OSBPL8: variants seen among roughly 807,000 people sequenced by gnomAD.
OSBPL8 encodes oxysterol-binding protein-related protein 8.
A neutral mutation model predicts 125.5 loss-of-function variants in OSBPL8; 59 were observed. That is an observed-to-expected ratio of 0.47 (90% CI 0.38 to 0.58). The LOEUF is 0.58. Among genes scored for constraint, OSBPL8 ranks in the 20% least tolerant of loss-of-function variants. The pLI is 0.00. For synonymous variants in OSBPL8, 330 were observed against 338.9 expected, an observed-to-expected ratio of 0.97 and a Z score of 0.29; for missense variants, 758 against 1,047.8, an observed-to-expected ratio of 0.72 and a Z score of 3.82.
chr12:76,420,975 T>A (rs1201997418), intron 4 of OSBPL8, among the ~76,000 whole-genome samples: 1 of 152,054 alleles, frequency 6.6e-6, no homozygotes, highest in Admixed American at 6.5e-5. Context: ...AACAAATCCA[T>A]CCAAGATGGC....
chr12:76,421,829 C>A (rs1165848801), intron 4 of OSBPL8, among the ~76,000 whole-genome samples: 1 of 151,948 alleles, frequency 6.6e-6, no homozygotes, highest in African/African-American at 2.4e-5. Context: ...CAATTTATGT[C>A]TACATCTCAT....
At chr12:76,536,807 T>G (rs911599296) in intron 1 of OSBPL8, among the ~76,000 whole-genome samples, 4 of 121,552 alleles carry the variant, frequency 3.3e-5, no homozygotes, top group African/African-American at 1.4e-4. Flanking sequence ...AATCCATATA[T>G]AGGAGTATCA....
chr12:76,404,114 G>C (rs1421851375), intron 5 of OSBPL8, among the ~76,000 whole-genome samples: 3 of 152,106 alleles, frequency 2.0e-5, no homozygotes, highest in Non-Finnish European at 4.4e-5. Flanking sequence ...ACTCCTTTAA[G>C]AATTGGAGTT....
rs182208037 is a variant in OSBPL8, at chr12:76,393,628, G to A, written c.758-876C>T. Among the ~76,000 whole-genome samples, 434 of 141,128 alleles carry A rather than the reference G, an allele frequency of 3.1e-3. 2 individuals carry two copies. The highest frequency in any genetic ancestry group is 0.011 in the African/African-American group (412 of 38,130). The allele number at this position is 141,128 out of a possible 152,430, so 92.6% of individuals were successfully genotyped here. On this transcript the variant is annotated intron_variant, in intron 9 of 23. Transcript: ENST00000261183. ...CGGGAGACTGAGGCAGGAGAATGGC[G>A]TGAACCCGGGAGACGGAGCTTGCAG...
At chr12:76,516,028 T>A (rs1329831036) in intron 1 of OSBPL8, among the ~76,000 whole-genome samples, 1 of 152,120 alleles carries the variant, frequency 6.6e-6, no homozygotes, top group Non-Finnish European at 1.5e-5. Context: ...CTATAAGAAC[T>A]GAGGTATGCA....
At chr12:76,517,891 T>C (rs1224111710) in intron 1 of OSBPL8, among the ~76,000 whole-genome samples, 1 of 152,144 alleles carries the variant, frequency 6.6e-6, no homozygotes, top group African/African-American at 2.4e-5. Flanking sequence ...CTAGGAGTGA[T>C]TGGCCCCCAT....
chr12:76,525,071 A>G (rs978299608), intron 1 of OSBPL8, among the ~76,000 whole-genome samples: 2 of 152,138 alleles, frequency 1.3e-5, no homozygotes, highest in African/African-American at 4.8e-5. Flanking sequence ...TCTTTAACAA[A>G]CTGCAAAGGG....
chr12:76,505,531 T>TA (rs1414125752), intron 1 of OSBPL8, among the ~76,000 whole-genome samples: 1 of 151,886 alleles, frequency 6.6e-6, no homozygotes, highest in Non-Finnish European at 1.5e-5. Context: ...GATACTAGAA[T>TA]AAAAAATAGG....
intron 14 of OSBPL8, among the ~76,000 whole-genome samples, chr12:76,385,436 AAG>A (rs1430918920): frequency 6.6e-6 from 1 of 152,198 alleles, no homozygotes; most frequent in African/African-American, 2.4e-5. Context: ...ATACAACAAA[AAG>A]AGAGGTATCA....
chr12:76,514,029 A>G (rs1881281566), intron 1 of OSBPL8, among the ~76,000 whole-genome samples: 1 of 151,908 alleles, frequency 6.6e-6, no homozygotes, highest in South Asian at 2.1e-4. Context: ...TGTGTGTTTA[A>G]GTGTGTTTTT....
chr12:76,408,809 A>G (rs544058364), intron 5 of OSBPL8, among the ~76,000 whole-genome samples: 1 of 152,256 alleles, frequency 6.6e-6, no homozygotes, highest in African/African-American at 2.4e-5. Context: ...CCATTAAGGC[A>G]CACAGCTTCA....
At chr12:76,450,795 C>CGAA in intron 4 of OSBPL8, 56 bp downstream of exon 4, 1 of 1,497,976 alleles carries the variant, frequency 6.7e-7, no homozygotes, top group Non-Finnish European at 9.0e-7. Flanking sequence ...CTCCCCTTCT[C>CGAA]CCCTCCAAAA....
intron 5 of OSBPL8, 96 bp from the exon 6 acceptor site, chr12:76,402,862 T>G: frequency 1.2e-6 from 1 of 803,958 alleles, no homozygotes; most frequent in East Asian, 2.7e-5. Context: ...TTTTCTCATT[T>G]ATTGCTATGA....
chr12:76,505,768 T>C (rs923233558), intron 1 of OSBPL8, among the ~76,000 whole-genome samples: 1 of 152,078 alleles, frequency 6.6e-6, no homozygotes, highest in African/African-American at 2.4e-5. Context: ...GCAAAGAGAC[T>C]ACTGTGGCAA....
At chr12:76,472,406 CCT>C (rs1336024161) in intron 2 of OSBPL8, among the ~76,000 whole-genome samples, 1 of 152,178 alleles carries the variant, frequency 6.6e-6, no homozygotes, top group Non-Finnish European at 1.5e-5. Context: ...GGTTTTTCTC[CCT>C]GTGTGTGGAG....
intron 9 of OSBPL8, among the ~76,000 whole-genome samples, chr12:76,394,067 T>C (rs1953689589): frequency 6.6e-6 from 1 of 152,092 alleles, no homozygotes; most frequent in Non-Finnish European, 1.5e-5. Flanking sequence ...AAGTAAACTT[T>C]GGAAGGTTAG....
At chr12:76,463,658 C>T (rs1039264225) in intron 2 of OSBPL8, among the ~76,000 whole-genome samples, 1 of 152,196 alleles carries the variant, frequency 6.6e-6, no homozygotes, top group Admixed American at 6.5e-5. Flanking sequence ...CACTCAAGCA[C>T]TGCAAATGCA....
chr12:76,515,468 G>A (rs947544981), intron 1 of OSBPL8, among the ~76,000 whole-genome samples: 8 of 152,310 alleles, frequency 5.3e-5, no homozygotes, highest in African/African-American at 1.9e-4. Flanking sequence ...CCAGCAGGTG[G>A]CACTCAGGTG....
chr12:76,395,783 T>C (rs550786890), intron 8 of OSBPL8, among the ~76,000 whole-genome samples: 3 of 152,236 alleles, frequency 2.0e-5, no homozygotes, highest in African/African-American at 7.2e-5. Context: ...AAAGAACTCA[T>C]AGCTGTTACT....
Sources: allele counts gnomAD v4.1 joint callset (sites outside exome capture counted in the v4.1 genomes callset), GRCh38; gene constraint gnomAD v4.1.1; transcripts MANE v1.5; gene names NCBI Gene and HGNC (gene_info 2026-07-23, HGNC 2026-07-21).